Variants in POLH observed in about 807,000 individuals in gnomAD.
POLH encodes DNA polymerase eta.
In POLH, 53 loss-of-function variants were observed where a neutral mutation model predicts 73.6. That is an observed-to-expected ratio of 0.72 (90% confidence interval 0.58 to 0.91). The LOEUF (loss-of-function observed/expected upper bound fraction) is 0.91, where lower values mean the gene tolerates loss of function less well. Ranked by LOEUF, POLH falls within the 40% of genes least tolerant of loss-of-function variation. The pLI, the probability that POLH is intolerant of heterozygous loss-of-function variation, is 0.00. For missense variants in POLH, 768 were observed against 865.4 expected (o/e 0.89, Z 1.41); for synonymous variants, 292 against 308.5 (o/e 0.95, Z 0.56).
At chr6:43,605,568 C>A (rs1414264886) in intron 9 of POLH, among the ~76,000 whole-genome samples, 2 of 151,098 alleles carry the variant, frequency 1.3e-5, no homozygotes, top group African/African-American at 4.9e-5. Flanking sequence ...CCCAACTCAG[C>A]CTCCTGAGTA....
intron 9 of POLH, among the ~76,000 whole-genome samples, chr6:43,606,125 T>G (rs931140679): frequency 1.3e-5 from 2 of 151,868 alleles, no homozygotes; most frequent in Non-Finnish European, 2.9e-5. Flanking sequence ...TGTAGCAAAT[T>G]AACGTATCTA....
intron 1 of POLH, 109 bp from the exon 2 acceptor site, chr6:43,582,207 C>T: frequency 1.0e-6 from 1 of 1,000,794 alleles, no homozygotes; most frequent in Admixed American, 1.7e-5. Context: ...TGTTAGTTTC[C>T]ATGCTCCCAT....
intron 9 of POLH, among the ~76,000 whole-genome samples, chr6:43,607,726 T>A (rs1428483257): frequency 6.7e-6 from 1 of 150,086 alleles, no homozygotes; most frequent in Non-Finnish European, 1.5e-5. Flanking sequence ...TGTTACTGAC[T>A]TTTTAAATTT....
In POLH at chr6:43,616,790, T is replaced by C. The variant is rs1317280334; in HGVS notation, c.*2233T>C. On this transcript the variant is annotated 3_prime_UTR_variant, in exon 11 of 11. Transcript: ENST00000372236. ...GTGAATTTCATACAGGTAAACCCTA[T>C]TATACCCTCAGTTCTAACCATTGGC... is the stretch of plus-strand genomic sequence containing the variant. Among the ~76,000 whole-genome samples the C allele has an allele frequency of 6.6e-6, 1 of 152,206 alleles. No individual in the cohort carries two copies.
At position 43,620,063 on chromosome 6, in the gene POLH, A is replaced by G; in HGVS notation, c.*5506A>G. 2 of 298,380 alleles carry G rather than the reference A, an allele frequency of 6.7e-6. No individual in the cohort carries two copies. Among genetic ancestry groups the G allele is most frequent in the Non-Finnish European group, 1.3e-5 (2 of 156,320 alleles). The allele number at this position is 298,380 out of a possible 1,614,324, so 18.5% of individuals were successfully genotyped here. ...ACTAAGGTTTGGTCAAGTGGCCCTC[A>G]TTGTTCCAAGAGTAATTTAGGCTAT... On this transcript the variant is annotated 3_prime_UTR_variant, in exon 11 of 11. Transcript: ENST00000372236.
intron 5 of POLH, among the ~76,000 whole-genome samples, chr6:43,600,219 G>T (rs1444421112): frequency 6.6e-6 from 1 of 151,220 alleles, no homozygotes; most frequent in Non-Finnish European, 1.5e-5. Flanking sequence ...AGATCTCAAG[G>T]CCATCCTGGC....
In POLH at chr6:43,613,980, C is replaced by G; in HGVS notation, c.1565C>G (p.Thr522Ser). Residue 522 changes from threonine to serine, a missense_variant, in exon 11 of 11, where the codon ACC becomes AGC. Physicochemically the swap from Thr to Ser is moderately conservative, Grantham distance 58 (BLOSUM62 1). Transcript: ENST00000372236. Reference sequence around the variant, plus strand: ...TCCAAGCCCTCATTACCTTTTCAAACCAGTCAAAGTACAGGAACTGAGCCC... The same window carrying G: ...TCCAAGCCCTCATTACCTTTTCAAAGCAGTCAAAGTACAGGAACTGAGCCC... ...SPSKPSLPFQ[T>S]SQSTGTEPFF... 1 of 1,614,108 alleles carries G rather than the reference C, an allele frequency of 6.2e-7. No individual in the cohort carries two copies. Among genetic ancestry groups the G allele is most frequent in the Non-Finnish European group, 8.5e-7 (1 of 1,180,042 alleles).
chr6:43,600,317 C>CTTGTG (rs552958774), intron 5 of POLH, among the ~76,000 whole-genome samples: 721 of 152,100 alleles, frequency 4.7e-3, no homozygotes, highest in Middle Eastern at 6.8e-3. Context: ...ACTTGGAAGG[C>CTTGTG]TGAGGCAGGA....
chr6:43,610,227 A>G (rs572434134), intron 9 of POLH, among the ~76,000 whole-genome samples: 1 of 151,276 alleles, frequency 6.6e-6, no homozygotes, highest in East Asian at 2.0e-4. Flanking sequence ...ACGACTGGCT[A>G]GTTTTTTTGT....
rs765186478 is a variant in POLH at position 43,604,650 on chromosome 6, A to G, written c.920A>G (p.His307Arg). ...WLYAMCRGIE[H>R]DPVKPRQLPK... is the part of the protein sequence containing the mutation. Reference sequence around the variant, plus strand: ...TATGCCATGTGCCGAGGGATTGAACATGATCCAGTTAAACCCAGGCAACTA... The same window carrying G: ...TATGCCATGTGCCGAGGGATTGAACGTGATCCAGTTAAACCCAGGCAACTA... Residue 307 changes from histidine to arginine, a missense_variant, in exon 8 of 11, where the codon CAT becomes CGT. Transcript: ENST00000372236. 5 of 1,613,932 alleles carry G rather than the reference A, an allele frequency of 3.1e-6. No homozygotes were observed. The highest frequency in any genetic ancestry group is 1.3e-5 in the African/African-American group (1 of 74,940).
intron 3 of POLH, among the ~76,000 whole-genome samples, chr6:43,584,298 A>T (rs968139717): frequency 6.6e-6 from 1 of 152,220 alleles, no homozygotes; most frequent in Admixed American, 6.5e-5. Flanking sequence ...CTGAATTCTA[A>T]TTCTAATTCT....
Position 43,617,442 on chromosome 6 carries a change from A to G in POLH, c.*2885A>G, listed in dbSNP as rs1768421666. ...GGAGTTTGAGACCAGGCTGGCCAAC[A>G]TGGGGAAAACCCATCTCTACAAAAA... On this transcript the variant is annotated 3_prime_UTR_variant, in exon 11 of 11. Coordinates refer to ENST00000372236, the MANE Select transcript of POLH (RefSeq NM_006502.3). Among the ~76,000 whole-genome samples the G allele has an allele frequency of 6.6e-6, 1 of 151,588 alleles. No individual in the cohort carries two copies. The highest frequency in any genetic ancestry group is 1.5e-5 in the Non-Finnish European group (1 of 67,956).
At chr6:43,593,892 A>G (rs1029729667) in intron 4 of POLH, among the ~76,000 whole-genome samples, 1 of 148,280 alleles carries the variant, frequency 6.7e-6, no homozygotes, top group African/African-American at 2.6e-5. Flanking sequence ...AAAAAAAAAA[A>G]AAAAAAAGAA....
rs1474751600 is a variant in POLH, at chr6:43,614,009, T to C, written c.1594T>C (p.Phe532Leu). 6.2e-7 allele frequency: 1 copy of C among 1,614,146 alleles called. No homozygotes were observed. Among genetic ancestry groups the C allele is most frequent in the Admixed American group, 1.7e-5 (1 of 60,036 alleles). Residue 532 changes from phenylalanine (F) to leucine (L), a missense_variant, in exon 11 of 11, where the codon TTT becomes CTT. Physicochemically the swap from Phe to Leu is conservative, Grantham distance 22. Coordinates refer to ENST00000372236, the MANE Select transcript of POLH (RefSeq NM_006502.3). ...TSQSTGTEPF[F>L]KQKSLLLKQK... ...TCAAAGTACAGGAACTGAGCCCTTC[T>C]TTAAGCAGAAAAGTCTGCTTCTAAA...
At chr6:43,599,428 G>A (rs1441076012) in intron 5 of POLH, among the ~76,000 whole-genome samples, 1 of 152,002 alleles carries the variant, frequency 6.6e-6, no homozygotes, top group African/African-American at 2.4e-5. Flanking sequence ...TTTAATTTAG[G>A]GTACACAGAC....
intron 5 of POLH, among the ~76,000 whole-genome samples, chr6:43,598,410 T>C (rs1036097859): frequency 2.6e-5 from 4 of 151,462 alleles, no homozygotes; most frequent in African/African-American, 9.7e-5. Flanking sequence ...GTGGATCACC[T>C]GAGGTCAGGA....
rs116198266 is a variant in POLH, at chr6:43,608,618, T to A, written c.1075-1936T>A. Among the ~76,000 whole-genome samples, 745 of 152,264 alleles carry A rather than the reference T, an allele frequency of 4.9e-3. 5 individuals are homozygous for A. The highest frequency in any genetic ancestry group is 0.016 in the African/African-American group (678 of 41,550). ...TCACTGCAGCCTTGTAGCCTCAACC[T>A]CCTGGGCTCAAGTAATCCTCCTGCC... is the stretch of plus-strand genomic sequence containing the variant. On this transcript the variant is annotated intron_variant, in intron 9 of 10. Coordinates refer to ENST00000372236, the MANE Select transcript of POLH (RefSeq NM_006502.3).
chr6:43,605,384 T>A, intron 9 of POLH, 65 bp downstream of exon 9: 2 of 796,596 alleles, frequency 2.5e-6, no homozygotes, highest in Non-Finnish European at 4.5e-6. Context: ...GCTCTTTACC[T>A]TATGGAGCAG....
At chr6:43,592,293 C>T (rs1205592582) in intron 4 of POLH, among the ~76,000 whole-genome samples, 1 of 152,034 alleles carries the variant, frequency 6.6e-6, no homozygotes, top group Non-Finnish European at 1.5e-5. Flanking sequence ...AGAAAAGAGG[C>T]GAGGTATTTG....
Sources: gnomAD v4.1 joint callset for allele counts (sites outside exome capture counted in the v4.1 genomes callset) on GRCh38, gnomAD v4.1.1 for gene constraint, MANE v1.5 for transcripts, NCBI Gene and HGNC (gene_info 2026-07-23, HGNC 2026-07-21) for gene names.